VPS13B: variants seen among roughly 807,000 people sequenced by gnomAD.
VPS13B encodes intermembrane lipid transfer protein VPS13B.
A neutral mutation model predicts 426.4 loss-of-function variants in VPS13B; 285 were observed. That is an observed-to-expected ratio of 0.67 (90% CI 0.61 to 0.74). VPS13B has a LOEUF of 0.74. Among genes scored for constraint, VPS13B ranks in the 30% least tolerant of loss-of-function variants. The pLI is 0.00. For synonymous variants in VPS13B, 1,676 were observed against 1,676.4 expected (o/e 1.00, Z 0.01); for missense variants, 4,537 against 4,782.6 (o/e 0.95, Z 1.51).
At chr8:99,097,682 CTG>C (rs1479735469) in intron 4 of VPS13B, among the ~76,000 whole-genome samples, 2 of 152,022 alleles carry the variant, frequency 1.3e-5, no homozygotes, top group Admixed American at 6.6e-5. Context: ...AAAAATAAAT[CTG>C]TATCTTTCAT....
intron 25 of VPS13B, among the ~76,000 whole-genome samples, chr8:99,487,009 G>C (rs935535112): frequency 2.0e-5 from 3 of 151,932 alleles, no homozygotes; most frequent in African/African-American, 7.3e-5. Flanking sequence ...TAGGCTTAAA[G>C]GGCAGGAGAG....
rs573352342 is a variant in VPS13B at position 99,111,443 on chromosome 8, T to G, written c.762+164T>G. On this transcript the variant is annotated intron_variant, in intron 6 of 61. Transcript: ENST00000357162. The stretch of plus-strand genomic sequence containing the variant: ...TTATGTTTATGATTTTTATGTTGTA[T>G]TTATACATTTCTGTATAACGTATTC... 2.6e-5 allele frequency among the ~76,000 whole-genome samples: 4 copies of G among 152,216 alleles called. No individual in the cohort carries two copies. The South Asian group carries it at 8.3e-4, about 32-fold the overall frequency.
At chr8:99,039,342 T>C (rs987890014) in intron 3 of VPS13B, among the ~76,000 whole-genome samples, 7 of 152,318 alleles carry the variant, frequency 4.6e-5, no homozygotes, top group Admixed American at 3.3e-4. Context: ...TTTTCTTTTT[T>C]CAGATTTATT....
Position 99,491,229 on chromosome 8 carries a change from C to T in VPS13B, c.3870+9427C>T, listed in dbSNP as rs149974339. On this transcript the variant is annotated intron_variant, in intron 25 of 61. Coordinates refer to ENST00000357162, the MANE Select transcript of VPS13B (RefSeq NM_152564.5). The stretch of plus-strand genomic sequence containing the variant: ...TTGTGTGGTTTTGAGCTGAGACATC[C>T]GCTGTTAGTCTGATGGGCTTCCCTT... Among the ~76,000 whole-genome samples the T allele has an allele frequency of 6.9e-4, 105 of 151,982 alleles. 1 individual carries two copies. In the East Asian group the frequency reaches 0.018, roughly 26 times the overall value.
intron 39 of VPS13B, among the ~76,000 whole-genome samples, chr8:99,728,060 C>T (rs1227808349): frequency 6.6e-6 from 1 of 152,214 alleles, no homozygotes; most frequent in Admixed American, 6.5e-5. Context: ...GAGCCAACAT[C>T]AGTATCCAGA....
chr8:99,631,038 T>C (rs564647424), intron 33 of VPS13B, among the ~76,000 whole-genome samples: 2 of 152,254 alleles, frequency 1.3e-5, no homozygotes, highest in South Asian at 4.1e-4. Context: ...TTAAAAATGT[T>C]ATGATGCATT....
intron 3 of VPS13B, among the ~76,000 whole-genome samples, chr8:99,073,028 A>T (rs971675563): frequency 2.0e-5 from 3 of 152,116 alleles, no homozygotes; most frequent in Non-Finnish European, 2.9e-5. Flanking sequence ...AGACAGTGTG[A>T]TGCCTGTAGG....
At chr8:99,581,998 A>G (rs1207898784) in intron 33 of VPS13B, among the ~76,000 whole-genome samples, 1 of 152,194 alleles carries the variant, frequency 6.6e-6, no homozygotes, top group African/African-American at 2.4e-5. Context: ...ATGAGGTGAG[A>G]GTCAACCTTT....
intron 19 of VPS13B, among the ~76,000 whole-genome samples, chr8:99,368,455 AT>A (rs373989570): frequency 7.8e-4 from 118 of 152,058 alleles, no homozygotes; most frequent in East Asian, 4.1e-3. Flanking sequence ...CTTCAAATTC[AT>A]TTTTTTTAGT....
At chr8:99,538,415 CT>C (rs1444282673) in intron 30 of VPS13B, among the ~76,000 whole-genome samples, 34 of 151,696 alleles carry the variant, frequency 2.2e-4, no homozygotes, top group Admixed American at 2.2e-3. Flanking sequence ...TTTTTTAAAA[CT>C]TTTATATCAT....
chr8:99,057,465 C>G (rs574981446), intron 3 of VPS13B, among the ~76,000 whole-genome samples: 1 of 152,204 alleles, frequency 6.6e-6, no homozygotes, highest in East Asian at 1.9e-4. Context: ...GTCTCTGGCT[C>G]CTGTTGTTAC....
chr8:99,696,826 G>GCCAC, intron 35 of VPS13B: 2 of 1,238,896 alleles, frequency 1.6e-6, no homozygotes, highest in Non-Finnish European at 2.4e-6. Flanking sequence ...TGTCACGGCC[G>GCCAC]CAGCTGGTGG....
Position 99,826,408 on chromosome 8 carries a change from G to C in VPS13B, c.9330+2430G>C, listed in dbSNP as rs534023148. ...GTGTATAGGAATTCTTGTGATTTTT[G>C]CACATTGATTTTGTATCCTGAGACT... is the stretch of plus-strand genomic sequence containing the variant. On this transcript the variant is annotated intron_variant, in intron 51 of 61. Coordinates refer to ENST00000357162, the MANE Select transcript of VPS13B (RefSeq NM_152564.5). Among the ~76,000 whole-genome samples the C allele has an allele frequency of 2.0e-5, 3 of 152,200 alleles. No homozygotes were observed. In the East Asian group the frequency reaches 5.8e-4, roughly 29 times the overall value.
chr8:99,705,579 G>T (rs1407641994), intron 36 of VPS13B, among the ~76,000 whole-genome samples: 2 of 151,980 alleles, frequency 1.3e-5, no homozygotes, highest in Non-Finnish European at 2.9e-5. Context: ...AGCACTAGGA[G>T]GTATGTGCTG....
At chr8:99,539,950 A>G in intron 30 of VPS13B, among the ~76,000 whole-genome samples, 1 of 139,128 alleles carries the variant, frequency 7.2e-6, no homozygotes, top group South Asian at 2.2e-4. Context: ...TTATATTTAT[A>G]TATAGCATTT....
At chr8:99,194,326 A>T (rs1813775308) in intron 17 of VPS13B, among the ~76,000 whole-genome samples, 1 of 152,122 alleles carries the variant, frequency 6.6e-6, no homozygotes, top group Admixed American at 6.5e-5. Flanking sequence ...AGACATACAT[A>T]TTTGTATCCT....
At chr8:99,095,186 T>C (rs2132427348) in intron 3 of VPS13B, among the ~76,000 whole-genome samples, 1 of 152,316 alleles carries the variant, frequency 6.6e-6, no homozygotes, top group East Asian at 1.9e-4. Flanking sequence ...AGTGGCAGCC[T>C]CCTCCTAATT....
intron 21 of VPS13B, among the ~76,000 whole-genome samples, chr8:99,427,884 C>T (rs374957371): frequency 6.6e-5 from 10 of 152,152 alleles, no homozygotes; most frequent in East Asian, 3.9e-4. Flanking sequence ...TGACTTCAAA[C>T]GGTACTACAA....
chr8:99,511,015 A>G (rs1821763046), intron 28 of VPS13B, 89 bp from the exon 29 acceptor site: 4 of 1,444,646 alleles, frequency 2.8e-6, no homozygotes, highest in Admixed American at 1.7e-5. Flanking sequence ...AGAGGTAAAA[A>G]TACTCACTGA....
Sources: allele counts gnomAD v4.1 joint callset (sites outside exome capture counted in the v4.1 genomes callset), GRCh38; gene constraint gnomAD v4.1.1; transcripts MANE v1.5; gene names NCBI Gene and HGNC (gene_info 2026-07-23, HGNC 2026-07-21).